Variants in EML4 observed in about 807,000 individuals in gnomAD.
EML4 encodes the protein EMAP like 4.
In EML4, 72 loss-of-function variants were observed where a neutral mutation model predicts 129.0. The observed-to-expected ratio is 0.56, with a 90% CI of 0.46 to 0.68. The LOEUF (loss-of-function observed/expected upper bound fraction) is 0.68, where lower values mean the gene tolerates loss of function less well. Ranked by LOEUF, EML4 falls within the 30% of genes least tolerant of loss-of-function variation. The probability of loss-of-function intolerance (pLI) is 0.00; values close to 1 mark genes in which losing one functional copy is unlikely to be tolerated. For synonymous variants in EML4, 532 were observed against 405.0 expected (o/e 1.31, Z -3.77); for missense variants, 1,363 against 1,190.6 (o/e 1.14, Z -2.13).
At chr2:42,204,499 C>A (rs1014545207) in intron 1 of EML4, among the ~76,000 whole-genome samples, 1 of 152,040 alleles carries the variant, frequency 6.6e-6, no homozygotes, top group African/African-American at 2.4e-5. Flanking sequence ...TTGACAGTAC[C>A]CAAAAGAATG....
intron 1 of EML4, among the ~76,000 whole-genome samples, chr2:42,208,444 CTT>C (rs765916018): frequency 7.2e-6 from 1 of 139,502 alleles, no homozygotes; most frequent in Non-Finnish European, 1.6e-5. Flanking sequence ...CTTTTCTTTT[CTT>C]TTTTTTTTTT....
intron 11 of EML4, among the ~76,000 whole-genome samples, chr2:42,292,317 T>C (rs922358359): frequency 1.2e-4 from 19 of 152,216 alleles, no homozygotes; most frequent in Non-Finnish European, 2.6e-4. Context: ...ATGTGTTTGC[T>C]AGAAGGCAAA....
chr2:42,187,342 C>T (rs1671316796), intron 1 of EML4, among the ~76,000 whole-genome samples: 1 of 152,106 alleles, frequency 6.6e-6, no homozygotes, highest in Non-Finnish European at 1.5e-5. Context: ...GCCACCACAT[C>T]CAGCGTATTT....
intron 5 of EML4, 62 bp downstream of exon 5, chr2:42,263,368 C>A: frequency 1.1e-6 from 1 of 920,102 alleles, no homozygotes; most frequent in Non-Finnish European, 1.6e-6. Flanking sequence ...ATTATGTTTG[C>A]ATGTACAGTT....
intron 1 of EML4, among the ~76,000 whole-genome samples, chr2:42,223,563 ATCTT>A (rs1035313095): frequency 7.9e-5 from 12 of 152,146 alleles, no homozygotes; most frequent in African/African-American, 2.7e-4. Context: ...GTAGCAGGTC[ATCTT>A]TCTTCTCCTT....
Position 42,330,147 on chromosome 2 carries a change from C to T in EML4, c.2886C>T (p.Ser962=), listed in dbSNP as rs759626538. The T allele has an allele frequency of 9.9e-6, 16 of 1,612,120 alleles. No individual in the cohort carries two copies. Among genetic ancestry groups the T allele is most frequent in the Admixed American group, 3.4e-5 (2 of 59,678 alleles). The change falls in exon 23 of 23, where the codon AGC becomes AGT. Residue 962 remains serine (S), a synonymous_variant. Coordinates refer to ENST00000318522, the MANE Select transcript of EML4 (RefSeq NM_019063.5). ...PLYEEPCNEI[S]KEQAKATLLE... is the part of the protein sequence containing the mutation. ...ATGAAGAGCCATGCAACGAGATAAG[C>T]AAGGAGCAGGCCAAAGCCACCCTTC...
At chr2:42,190,338 A>G (rs568273676) in intron 1 of EML4, among the ~76,000 whole-genome samples, 1 of 152,270 alleles carries the variant, frequency 6.6e-6, no homozygotes, top group Admixed American at 6.5e-5. Context: ...ATGAAAGATA[A>G]TGGTGACTAG....
chr2:42,330,098 G>A lies in EML4; in HGVS notation c.2837G>A (p.Ser946Asn), dbSNP rs781617585. ...DHSEEESEEGSGDLGEPLYEE... is the reference protein window; with the variant it reads ...DHSEEESEEGNGDLGEPLYEE... ...AGCGAGGAGGAGAGTGAAGAGGGCA[G>A]CGGAGACCTTGGTGAGCCTCTTTAT... Residue 946 changes from serine (S) to asparagine (N), a missense_variant, in exon 23 of 23, where the codon AGC becomes AAC. Transcript: ENST00000318522. 3.1e-6 allele frequency: 5 copies of A among 1,612,960 alleles called. No homozygotes were observed. In the South Asian group the frequency reaches 5.5e-5, roughly 18 times the overall value.
intron 12 of EML4, 41 bp downstream of exon 12, chr2:42,295,300 C>G: frequency 6.3e-7 from 1 of 1,596,770 alleles, no homozygotes; most frequent in Non-Finnish European, 8.5e-7. Flanking sequence ...GTGTATAAGA[C>G]TTTAATTTTT....
At chr2:42,179,374 C>G (rs547753731) in intron 1 of EML4, among the ~76,000 whole-genome samples, 19 of 150,922 alleles carry the variant, frequency 1.3e-4, no homozygotes, top group Non-Finnish European at 2.8e-4. Flanking sequence ...TAGACTGGAT[C>G]TTGTATAGAG....
intron 11 of EML4, chr2:42,289,614 G>C (rs2058271): frequency 6.6e-6 from 1 of 152,008 alleles, no homozygotes; most frequent in African/African-American, 2.4e-5. Context: ...GATTGACTCC[G>C]CATTTCACCT....
chr2:42,228,489 A>G (rs2104172900), intron 1 of EML4, among the ~76,000 whole-genome samples: 1 of 152,324 alleles, frequency 6.6e-6, no homozygotes, highest in East Asian at 1.9e-4. Context: ...TTTAAAATTT[A>G]GTATTCAATA....
chr2:42,204,291 C>G (rs1672411133), intron 1 of EML4, among the ~76,000 whole-genome samples: 1 of 152,100 alleles, frequency 6.6e-6, no homozygotes, highest in Non-Finnish European at 1.5e-5. Flanking sequence ...GCTATATAAG[C>G]AGTTAGTGGC....
intron 14 of EML4, 71 bp downstream of exon 14, chr2:42,301,463 A>G (rs1668283444): frequency 8.2e-7 from 1 of 1,214,004 alleles, no homozygotes; most frequent in Non-Finnish European, 1.1e-6. Context: ...CATTAAGATA[A>G]CTTATACTTT....
chr2:42,207,727 TG>T (rs1457397741), intron 1 of EML4, among the ~76,000 whole-genome samples: 2 of 152,234 alleles, frequency 1.3e-5, no homozygotes, highest in African/African-American at 4.8e-5. Context: ...CACTCAGTTC[TG>T]ATTGGTTGAA....
At chr2:42,293,214 A>C (rs1446807424) in intron 11 of EML4, among the ~76,000 whole-genome samples, 1 of 151,520 alleles carries the variant, frequency 6.6e-6, no homozygotes, top group Non-Finnish European at 1.5e-5. Context: ...GCTCAAATGA[A>C]TCCTCCAGCC....
chr2:42,182,477 C>T (rs1671005351), intron 1 of EML4, among the ~76,000 whole-genome samples: 1 of 152,088 alleles, frequency 6.6e-6, no homozygotes, highest in African/African-American at 2.4e-5. Flanking sequence ...ACTAAACTGA[C>T]ACCCCGTACT....
In EML4 at chr2:42,280,351, A is replaced by G. The variant is rs550068966; in HGVS notation, c.668-499A>G. Reference sequence around the variant, plus strand: ...TTTATTTTTCCCTACAATGTTTTAGACTAGGACTTTATAGTATCACTTTGT... The same window carrying G: ...TTTATTTTTCCCTACAATGTTTTAGGCTAGGACTTTATAGTATCACTTTGT... On this transcript the variant is annotated intron_variant, in intron 6 of 22. Coordinates refer to ENST00000318522, the MANE Select transcript of EML4 (RefSeq NM_019063.5). Among the ~76,000 whole-genome samples the G allele has an allele frequency of 1.1e-4, 16 of 152,342 alleles. No homozygotes were observed. The South Asian group carries it at 3.3e-3, about 32-fold the overall frequency.
chr2:42,326,189 C>T lies in EML4; in HGVS notation c.2278C>T (p.Arg760Ter). ...AAATGGCTGCAAACTAATCAGGAAT[C>T]GATCGGATTGTAAGGACATTGATTG... ...IPNGCKLIRN[R>*]SDCKDIDWTT... is the part of the protein sequence containing the mutation. The change falls in exon 21 of 23, where the codon CGA (arginine) becomes TGA (stop). Residue 760 changes from arginine (R) to a stop codon, truncating the protein, a stop_gained. Coordinates refer to ENST00000318522, the MANE Select transcript of EML4 (RefSeq NM_019063.5). LOFTEE classifies it high-confidence loss of function. 6.2e-7 allele frequency: 1 copy of T among 1,613,676 alleles called. No homozygotes were observed. The highest frequency in any genetic ancestry group is 8.5e-7 in the Non-Finnish European group (1 of 1,179,810).
Sources: allele counts gnomAD v4.1 joint callset (sites outside exome capture counted in the v4.1 genomes callset), GRCh38; gene constraint gnomAD v4.1.1; transcripts MANE v1.5; gene names NCBI Gene and HGNC (gene_info 2026-07-23, HGNC 2026-07-21).